The following RALGPS2 variants were observed in gnomAD, a reference collection of about 807,000 sequenced individuals.
RALGPS2 encodes ras-specific guanine nucleotide-releasing factor RalGPS2.
A neutral mutation model predicts 86.8 loss-of-function variants in RALGPS2; 43 were observed. The ratio of observed to expected loss-of-function variants is 0.50; its 90% CI spans 0.39 to 0.64. The LOEUF is 0.64. RALGPS2 is among the 30% of genes least tolerant of loss of function. RALGPS2 has a pLI of 0.00. For synonymous variants in RALGPS2, 243 were observed against 231.3 expected (o/e 1.05, Z -0.46); for missense variants, 536 against 694.6 (o/e 0.77, Z 2.57).
At chr1:178,731,526 G>A (rs560123228) in intron 1 of RALGPS2, among the ~76,000 whole-genome samples, 10 of 151,906 alleles carry the variant, frequency 6.6e-5, no homozygotes, top group South Asian at 6.2e-4. Flanking sequence ...CAAGTGATCC[G>A]CCTACCTCGG....
intron 4 of RALGPS2, among the ~76,000 whole-genome samples, chr1:178,791,472 A>G (rs574265957): frequency 2.0e-5 from 3 of 152,184 alleles, no homozygotes; most frequent in Admixed American, 2.0e-4. Context: ...CACATGTAAC[A>G]TTATTTTAGG....
intron 2 of RALGPS2, among the ~76,000 whole-genome samples, chr1:178,783,783 G>A (rs1050213436): frequency 1.9e-4 from 29 of 152,006 alleles, no homozygotes; most frequent in African/African-American, 7.0e-4. Flanking sequence ...CAGACGAAGT[G>A]GAAAATTTTT....
chr1:178,889,515 G>T (rs1037169708), intron 13 of RALGPS2, 127 bp from the exon 14 acceptor site: 2 of 689,184 alleles, frequency 2.9e-6, no homozygotes, highest in African/African-American at 3.8e-5. Flanking sequence ...ATTAATATGT[G>T]GATATGTTCA....
At chr1:178,757,745 C>G (rs965728823) in intron 1 of RALGPS2, among the ~76,000 whole-genome samples, 2 of 151,848 alleles carry the variant, frequency 1.3e-5, no homozygotes, top group African/African-American at 4.8e-5. Context: ...TATTGGCCTG[C>G]AGTTTACTTG....
At position 178,815,031 on chromosome 1, in the gene RALGPS2, T is replaced by A. The variant is rs1424054766; in HGVS notation, c.387+3627T>A. On this transcript the variant is annotated intron_variant, in intron 6 of 19. Transcript: ENST00000367635. ...TAAGATCTTTCAGCAGTTTTCTGTT[T>A]TGGTATTGGTCTTTTATTGTGTGTG... 7.9e-5 allele frequency among the ~76,000 whole-genome samples: 12 copies of A among 152,136 alleles called. No homozygotes were observed. In the East Asian group the frequency reaches 2.3e-3, roughly 29 times the overall value.
intron 7 of RALGPS2, among the ~76,000 whole-genome samples, chr1:178,824,465 G>A (rs1231537205): frequency 6.6e-6 from 1 of 152,136 alleles, no homozygotes; most frequent in Non-Finnish European, 1.5e-5. Flanking sequence ...TATGCTTGAT[G>A]AGATGAAAGA....
chr1:178,770,935 A>G (rs1048738558), intron 1 of RALGPS2, among the ~76,000 whole-genome samples: 3 of 143,368 alleles, frequency 2.1e-5, no homozygotes, highest in Non-Finnish European at 3.0e-5. Flanking sequence ...CCGTCGCGGG[A>G]TCAAGCTATT....
At chr1:178,856,957 G>A (rs1657627518) in intron 8 of RALGPS2, among the ~76,000 whole-genome samples, 1 of 152,128 alleles carries the variant, frequency 6.6e-6, no homozygotes, top group Non-Finnish European at 1.5e-5. Flanking sequence ...AAAATCCCAT[G>A]TAAACCAGTA....
chr1:178,895,342 T>A (rs1222625195), intron 16 of RALGPS2, among the ~76,000 whole-genome samples: 5 of 152,060 alleles, frequency 3.3e-5, no homozygotes, highest in Non-Finnish European at 5.9e-5. Context: ...GAACTCAGAA[T>A]TGCATGTCAG....
chr1:178,850,381 T>C (rs1437206767), intron 8 of RALGPS2: 1 of 152,600 alleles, frequency 6.6e-6, no homozygotes, highest in Non-Finnish European at 1.5e-5. Context: ...ATTTTAGAAC[T>C]ACATAAAATG....
intron 8 of RALGPS2, chr1:178,865,681 G>A (rs1423156805): frequency 6.2e-7 from 1 of 1,613,930 alleles, no homozygotes; most frequent in Non-Finnish European, 8.5e-7. Context: ...ATCTTCTCTG[G>A]TTTATTTTTT....
chr1:178,840,827 G>A lies in RALGPS2; in HGVS notation c.607+7277G>A, dbSNP rs566325790. ...AAATGATAAAGGGGATATCACTACC[G>A]ATCCCACAGAAATACAAACTACCAT... On this transcript the variant is annotated intron_variant, in intron 8 of 19. Transcript: ENST00000367635. Among the ~76,000 whole-genome samples, 8 of 152,156 alleles carry A rather than the reference G, an allele frequency of 5.3e-5. No homozygotes were observed. The East Asian group carries it at 1.2e-3, about 22-fold the overall frequency.
chr1:178,867,902 A>G lies in RALGPS2; in HGVS notation c.608-9596A>G, dbSNP rs577133491. Among the ~76,000 whole-genome samples, 95 of 152,092 alleles carry G rather than the reference A, an allele frequency of 6.2e-4. 2 individuals carry two copies. In the South Asian group the frequency reaches 0.015, roughly 23 times the overall value. ...ACTGCTACTTTCACTTTCTAAAACCATGTTCCTTTTTTGGTATTTTTCAAT... is the reference window on the plus strand; with the variant it reads ...ACTGCTACTTTCACTTTCTAAAACCGTGTTCCTTTTTTGGTATTTTTCAAT... On this transcript the variant is annotated intron_variant, in intron 8 of 19. Transcript: ENST00000367635.
chr1:178,782,238 T>C (rs1303013965), intron 2 of RALGPS2, among the ~76,000 whole-genome samples: 1 of 152,136 alleles, frequency 6.6e-6, no homozygotes, highest in Non-Finnish European at 1.5e-5. Context: ...AGTTAAAAAC[T>C]CCTTGGGTGT....
At chr1:178,839,305 G>A (rs1422843771) in intron 8 of RALGPS2, among the ~76,000 whole-genome samples, 1 of 152,232 alleles carries the variant, frequency 6.6e-6, no homozygotes, top group East Asian at 1.9e-4. Flanking sequence ...CAAACTAACA[G>A]CAGATCTCTC....
At chr1:178,729,352 GCTTCAT>G in intron 1 of RALGPS2, among the ~76,000 whole-genome samples, 2 of 152,006 alleles carry the variant, frequency 1.3e-5, no homozygotes, top group East Asian at 3.8e-4. Flanking sequence ...CTGATTGTAA[GCTTCAT>G]GAGGACAAGG....
chr1:178,729,901 A>T (rs1650238590), intron 1 of RALGPS2, among the ~76,000 whole-genome samples: 1 of 152,152 alleles, frequency 6.6e-6, no homozygotes, highest in Non-Finnish European at 1.5e-5. Context: ...TTACATATTT[A>T]AAAATTATAT....
At chr1:178,888,847 G>A (rs995483486) in intron 13 of RALGPS2, among the ~76,000 whole-genome samples, 2 of 152,004 alleles carry the variant, frequency 1.3e-5, no homozygotes, top group African/African-American at 4.8e-5. Context: ...ATTAGAATTT[G>A]AGTCTCTCAG....
intron 14 of RALGPS2, among the ~76,000 whole-genome samples, chr1:178,890,830 T>C (rs1168776172): frequency 6.6e-6 from 1 of 152,002 alleles, no homozygotes; most frequent in African/African-American, 2.4e-5. Flanking sequence ...TTATTTATTT[T>C]TGCATTATTT....
Sources: allele counts gnomAD v4.1 joint callset (sites outside exome capture counted in the v4.1 genomes callset), GRCh38; gene constraint gnomAD v4.1.1; transcripts MANE v1.5; gene names NCBI Gene and HGNC (gene_info 2026-07-23, HGNC 2026-07-21).